The following CRPPA variants were observed in gnomAD, a reference collection of about 807,000 sequenced individuals.
The protein encoded by CRPPA is CDP-L-ribitol pyrophosphorylase A.
CRPPA carries 43 observed loss-of-function variants against 52.0 expected under a neutral mutation model. The observed-to-expected ratio is 0.83, with a 90% CI of 0.65 to 1.07. The LOEUF (loss-of-function observed/expected upper bound fraction) is 1.07, where lower values mean the gene tolerates loss of function less well. Among genes scored for constraint, CRPPA ranks in the 50% least tolerant of loss-of-function variants. The probability of loss-of-function intolerance (pLI) is 0.00; values close to 1 mark genes in which losing one functional copy is unlikely to be tolerated. For missense variants in CRPPA, 629 were observed against 551.7 expected (o/e 1.14, Z -1.40); for synonymous variants, 250 against 203.5 (o/e 1.23, Z -1.94).
chr7:16,162,973 C>CTTTTTTTT (rs377244023), intron 9 of CRPPA, among the ~76,000 whole-genome samples: 6 of 120,830 alleles, frequency 5.0e-5, no homozygotes, highest in African/African-American at 6.0e-5. Context: ...TTTTCTTTCT[C>CTTTTTTTT]TTTTTTTTTT....
intron 1 of CRPPA, among the ~76,000 whole-genome samples, chr7:16,420,034 A>G (rs10464287): frequency 0.3 from 46,009 of 151,930 alleles, 7,114 homozygotes; most frequent in South Asian, 0.4. Flanking sequence ...GGCGGTTACA[A>G]AACAACTTGA....
chr7:16,214,135 T>C (rs561819079), intron 9 of CRPPA, among the ~76,000 whole-genome samples: 4 of 152,252 alleles, frequency 2.6e-5, no homozygotes, highest in African/African-American at 9.6e-5. Context: ...ATGTTAAATC[T>C]GAATTTCAAG....
At chr7:16,144,391 G>C (rs1446185550) in intron 9 of CRPPA, among the ~76,000 whole-genome samples, 1 of 152,338 alleles carries the variant, frequency 6.6e-6, no homozygotes, top group East Asian at 1.9e-4. Flanking sequence ...GCCCAAGGGA[G>C]CTGGGAGAAG....
chr7:16,299,263 G>A (rs1211893536), intron 5 of CRPPA, among the ~76,000 whole-genome samples: 2 of 152,174 alleles, frequency 1.3e-5, no homozygotes, highest in African/African-American at 4.8e-5. Flanking sequence ...ATAGCCTTGA[G>A]TACAAGTCAT....
chr7:16,387,035 T>TAA (rs368044666), intron 2 of CRPPA, among the ~76,000 whole-genome samples: 1 of 91,612 alleles, frequency 1.1e-5, no homozygotes, highest in African/African-American at 4.2e-5. Flanking sequence ...TAATTTAAAA[T>TAA]AAAAAAAAGA....
chr7:16,344,876 CA>C (rs1382669429), intron 3 of CRPPA, among the ~76,000 whole-genome samples: 1 of 150,416 alleles, frequency 6.6e-6, no homozygotes, highest in Non-Finnish European at 1.5e-5. Flanking sequence ...TGAAGCATGC[CA>C]AAATAATCAT....
At chr7:16,301,145 G>GCTATTTTC (rs1308779631) in intron 5 of CRPPA, among the ~76,000 whole-genome samples, 5 of 152,108 alleles carry the variant, frequency 3.3e-5, no homozygotes, top group Non-Finnish European at 7.4e-5. Flanking sequence ...ATCAGGTTTT[G>GCTATTTTC]CTATTTTCCT....
chr7:16,336,572 A>T (rs79484861), intron 3 of CRPPA, among the ~76,000 whole-genome samples: 1 of 138,694 alleles, frequency 7.2e-6, no homozygotes, highest in East Asian at 2.1e-4. Context: ...AAAAAAAAAA[A>T]GGAAAGAAGG....
At chr7:16,304,318 T>C (rs1784860125) in intron 4 of CRPPA, among the ~76,000 whole-genome samples, 1 of 151,274 alleles carries the variant, frequency 6.6e-6, no homozygotes, top group East Asian at 1.9e-4. Context: ...CATGGTGTGT[T>C]GAAAGAAAAA....
intron 9 of CRPPA, among the ~76,000 whole-genome samples, chr7:16,198,581 C>A (rs1213294098): frequency 7.2e-6 from 1 of 138,672 alleles, no homozygotes; most frequent in Non-Finnish European, 1.5e-5. Flanking sequence ...TCCCCGGGTC[C>A]CCTTATTTCT....
At chr7:16,296,114 C>T (rs1784669935) in intron 5 of CRPPA, among the ~76,000 whole-genome samples, 1 of 152,096 alleles carries the variant, frequency 6.6e-6, no homozygotes, top group Non-Finnish European at 1.5e-5. Context: ...ACTTTCTATA[C>T]ATGTTTCTTC....
At chr7:16,143,057 T>A (rs1782904418) in intron 9 of CRPPA, among the ~76,000 whole-genome samples, 1 of 152,232 alleles carries the variant, frequency 6.6e-6, no homozygotes, top group African/African-American at 2.4e-5. Flanking sequence ...TATCGTCTTG[T>A]ATTTGGCTGA....
At chr7:16,274,084 C>G (rs1363180429) in intron 6 of CRPPA, among the ~76,000 whole-genome samples, 1 of 152,166 alleles carries the variant, frequency 6.6e-6, no homozygotes, top group African/African-American at 2.4e-5. Context: ...GAGTCTCGCT[C>G]TGTCGCCCAG....
At chr7:16,195,838 T>C (rs997008141) in intron 9 of CRPPA, among the ~76,000 whole-genome samples, 12 of 152,204 alleles carry the variant, frequency 7.9e-5, no homozygotes, top group African/African-American at 2.9e-4. Flanking sequence ...TAATAAAGAC[T>C]GTCGTGTTTT....
At chr7:16,160,704 G>A (rs1783285228) in intron 9 of CRPPA, among the ~76,000 whole-genome samples, 1 of 152,200 alleles carries the variant, frequency 6.6e-6, no homozygotes, top group Non-Finnish European at 1.5e-5. Flanking sequence ...TGTGAAGAAA[G>A]TCAGTGGTAG....
chr7:16,399,039 C>T (rs1303840544), intron 2 of CRPPA, among the ~76,000 whole-genome samples: 1 of 152,186 alleles, frequency 6.6e-6, no homozygotes, highest in African/African-American at 2.4e-5. Context: ...ACGTTTAGGA[C>T]AGGTGACAAG....
rs534557591 is a variant in CRPPA at position 16,327,352 on chromosome 7, G to A, written c.685-18725C>T. 2.1e-3 allele frequency among the ~76,000 whole-genome samples: 315 copies of A among 152,140 alleles called. 8 individuals are homozygous for A. Among genetic ancestry groups the A allele is most frequent in the Admixed American group, 0.02 (312 of 15,274 alleles). On this transcript the variant is annotated intron_variant, in intron 3 of 9. Coordinates refer to ENST00000407010, the MANE Select transcript of CRPPA (RefSeq NM_001101426.4). ...TCACGCCTGTAATCCCAGCACTTTG[G>A]GAGGCCGAGGCGGGTGGATCATGAG...
chr7:16,124,286 A>G (rs935916925), intron 9 of CRPPA, among the ~76,000 whole-genome samples: 10 of 151,990 alleles, frequency 6.6e-5, no homozygotes. Context: ...TTTGCTAATG[A>G]TTAGCAAGTT....
rs1349325438 is a variant in CRPPA at position 16,349,467 on chromosome 7, A to G, written c.684+26625T>C. On this transcript the variant is annotated intron_variant, in intron 3 of 9. Coordinates refer to ENST00000407010, the MANE Select transcript of CRPPA (RefSeq NM_001101426.4). ...AATGTCTAGGAAATGACCTGAGTGA[A>G]GTGAAGATATGTGATTTACCTGACA... Among the ~76,000 whole-genome samples the G allele has an allele frequency of 2.6e-5, 4 of 152,224 alleles. No individual in the cohort carries two copies. In the East Asian group the frequency reaches 5.8e-4, roughly 22 times the overall value.
Sources: gnomAD v4.1 joint callset for allele counts (sites outside exome capture counted in the v4.1 genomes callset) on GRCh38, gnomAD v4.1.1 for gene constraint, MANE v1.5 for transcripts, NCBI Gene and HGNC (gene_info 2026-07-23, HGNC 2026-07-21) for gene names.